CARMIL1: variants seen among roughly 807,000 people sequenced by gnomAD.
The protein encoded by CARMIL1 is capping protein regulator and myosin 1 linker 1.
In CARMIL1, 90 loss-of-function variants were observed where a neutral mutation model predicts 177.1. The observed-to-expected ratio is 0.51, with a 90% confidence interval of 0.43 to 0.61. The LOEUF (loss-of-function observed/expected upper bound fraction) is 0.61, where lower values mean the gene tolerates loss of function less well. Ranked by LOEUF, CARMIL1 falls within the 20% of genes least tolerant of loss-of-function variation. The pLI, the probability that CARMIL1 is intolerant of heterozygous loss-of-function variation, is 0.00. For missense variants in CARMIL1, 1,380 were observed against 1,667.0 expected (o/e 0.83, Z 3.00); for synonymous variants, 577 against 606.2 (o/e 0.95, Z 0.71).
chr6:25,430,608 T>C (rs1308069389), intron 4 of CARMIL1, among the ~76,000 whole-genome samples: 1 of 152,034 alleles, frequency 6.6e-6, no homozygotes, highest in African/African-American at 2.4e-5. Flanking sequence ...TTGTGTATTT[T>C]TTCCTAGAGA....
intron 2 of CARMIL1, among the ~76,000 whole-genome samples, chr6:25,288,300 C>T (rs1005393680): frequency 3.3e-5 from 5 of 152,032 alleles, no homozygotes; most frequent in African/African-American, 9.7e-5. Context: ...AGAGAATGGG[C>T]AGGTGTAAAG....
At position 25,399,046 on chromosome 6, in the gene CARMIL1, A is replaced by G. The variant is rs115994745; in HGVS notation, c.139-21068A>G. Among the ~76,000 whole-genome samples the G allele has an allele frequency of 8.0e-3, 1,210 of 152,116 alleles. 16 individuals carry two copies. The highest frequency in any genetic ancestry group is 0.028 in the African/African-American group (1,153 of 41,522). Reference sequence around the variant, plus strand: ...CTGGTTTACAGCAGTTTTCAAAAACACCCCCCTTTTCTTCCCCGCTCACAG... The same window carrying G: ...CTGGTTTACAGCAGTTTTCAAAAACGCCCCCCTTTTCTTCCCCGCTCACAG... On this transcript the variant is annotated intron_variant, in intron 2 of 36. Transcript: ENST00000329474.
Position 25,493,906 on chromosome 6 carries a change from TTCTTATA to T in CARMIL1, c.1221-1202_1221-1196del, listed in dbSNP as rs574861151. ...ATATGGAAACAGAGTTGTTTGAGATTTCTTATATCACATAGTCTACCAGAATTCTCTT... is the reference window on the plus strand; with the variant it reads ...ATATGGAAACAGAGTTGTTTGAGATTTCACATAGTCTACCAGAATTCTCTT... On this transcript the variant is annotated intron_variant, in intron 15 of 36. Coordinates refer to ENST00000329474, the MANE Select transcript of CARMIL1 (RefSeq NM_017640.6). 3.9e-4 allele frequency among the ~76,000 whole-genome samples: 59 copies of T among 152,266 alleles called. 1 individual carries two copies. In the South Asian group the frequency reaches 5.4e-3, roughly 14 times the overall value.
chr6:25,551,441 C>T (rs868371025), intron 27 of CARMIL1, among the ~76,000 whole-genome samples: 5 of 152,110 alleles, frequency 3.3e-5, no homozygotes, highest in Middle Eastern at 3.4e-3. Context: ...TGCTTTTTAC[C>T]GTCATACACT....
chr6:25,464,579 C>T (rs1800426521), intron 8 of CARMIL1, among the ~76,000 whole-genome samples: 1 of 152,138 alleles, frequency 6.6e-6, no homozygotes, highest in South Asian at 2.1e-4. Flanking sequence ...TGAGTATCTG[C>T]TACTTGTCCT....
At chr6:25,429,453 G>A (rs1399877756) in intron 4 of CARMIL1, among the ~76,000 whole-genome samples, 2 of 152,326 alleles carry the variant, frequency 1.3e-5, no homozygotes, top group African/African-American at 4.8e-5. Flanking sequence ...TGGCCTACAA[G>A]TAGGGTAAAA....
intron 8 of CARMIL1, among the ~76,000 whole-genome samples, chr6:25,459,279 T>TCTTTCTTTCTTTCTTTCTTTCTTTTC (rs1799926404): frequency 7.0e-6 from 1 of 142,990 alleles, no homozygotes. Flanking sequence ...TTTTTTTTTT[T>TCTTTCTTTCTTTCTTTCTTTCTTTTC]TAAGACAGGG....
chr6:25,364,806 C>T (rs1326407261), intron 2 of CARMIL1, among the ~76,000 whole-genome samples: 1 of 152,120 alleles, frequency 6.6e-6, no homozygotes, highest in African/African-American at 2.4e-5. Context: ...CTCAGGTGAT[C>T]CATCCGCCTC....
At chr6:25,376,057 C>T (rs957821204) in intron 2 of CARMIL1, among the ~76,000 whole-genome samples, 3 of 151,974 alleles carry the variant, frequency 2.0e-5, no homozygotes, top group Non-Finnish European at 4.4e-5. Context: ...GTTATAGAAC[C>T]CCGTTTTGTC....
At position 25,515,653 on chromosome 6, in the gene CARMIL1, C is replaced by A; in HGVS notation, c.1633-22C>A. ...GCTGCTTTGATGAGACTGCTGAGTGCCGTGTGTCATTTGCTCCGCAGCCTC... is the reference window on the plus strand; with the variant it reads ...GCTGCTTTGATGAGACTGCTGAGTGACGTGTGTCATTTGCTCCGCAGCCTC... On this transcript the variant is annotated intron_variant, in intron 20 of 36. Coordinates refer to ENST00000329474, the MANE Select transcript of CARMIL1 (RefSeq NM_017640.6). The surrounding 1 kb of genome is among the most constrained non-coding windows in gnomAD (Gnocchi z 5.0). 6.3e-7 allele frequency: 1 copy of A among 1,580,460 alleles called. No individual in the cohort carries two copies.
chr6:25,585,543 A>T (rs1012838132), intron 31 of CARMIL1, among the ~76,000 whole-genome samples: 69 of 151,048 alleles, frequency 4.6e-4, no homozygotes, highest in South Asian at 1.1e-3. Context: ...CTATTTTTTT[A>T]TTTATTTTTT....
intron 2 of CARMIL1, among the ~76,000 whole-genome samples, chr6:25,378,392 G>A (rs1185192917): frequency 6.6e-6 from 1 of 152,196 alleles, no homozygotes; most frequent in Non-Finnish European, 1.5e-5. Context: ...TATGGCTGCA[G>A]CACACTTCCC....
intron 26 of CARMIL1, among the ~76,000 whole-genome samples, chr6:25,548,810 G>A (rs1809776513): frequency 6.6e-6 from 1 of 152,194 alleles, no homozygotes; most frequent in Non-Finnish European, 1.5e-5. Context: ...GTAGGAAACA[G>A]AAGACCTGAG....
chr6:25,508,192 G>A (rs1805112838), intron 17 of CARMIL1, among the ~76,000 whole-genome samples: 1 of 152,154 alleles, frequency 6.6e-6, no homozygotes, highest in Non-Finnish European at 1.5e-5. Flanking sequence ...GGGGCATTTA[G>A]GTAAGCTGGA....
At chr6:25,394,286 A>G (rs1010303177) in intron 2 of CARMIL1, among the ~76,000 whole-genome samples, 1 of 152,210 alleles carries the variant, frequency 6.6e-6, no homozygotes, top group Non-Finnish European at 1.5e-5. Flanking sequence ...AAAGCAGCAC[A>G]CTATTAACTC....
intron 26 of CARMIL1, among the ~76,000 whole-genome samples, chr6:25,549,981 T>C (rs1399969362): frequency 6.6e-6 from 1 of 152,204 alleles, no homozygotes; most frequent in Non-Finnish European, 1.5e-5. Context: ...TGAGAACGTT[T>C]TTATTGTCAT....
At chr6:25,466,753 C>T (rs60403256) in intron 9 of CARMIL1, among the ~76,000 whole-genome samples, 265 of 152,080 alleles carry the variant, frequency 1.7e-3, no homozygotes, top group African/African-American at 6.2e-3. Context: ...AGTGGGCAGG[C>T]GACTTGGTTC....
At chr6:25,310,142 C>A (rs1783674843) in intron 2 of CARMIL1, among the ~76,000 whole-genome samples, 1 of 152,118 alleles carries the variant, frequency 6.6e-6, no homozygotes, top group African/African-American at 2.4e-5. Flanking sequence ...GAGTAATGCT[C>A]TTATGAGCGT....
At chr6:25,412,203 A>T (rs1402073758) in intron 2 of CARMIL1, among the ~76,000 whole-genome samples, 1 of 152,146 alleles carries the variant, frequency 6.6e-6, no homozygotes, top group Non-Finnish European at 1.5e-5. Flanking sequence ...ATGTGCCAGC[A>T]CTCTTCTGAG....
Sources: allele counts gnomAD v4.1 joint callset (sites outside exome capture counted in the v4.1 genomes callset), GRCh38; gene constraint gnomAD v4.1.1; non-coding constraint Gnocchi (gnomAD v3.1); transcripts MANE v1.5; gene names NCBI Gene and HGNC (gene_info 2026-07-23, HGNC 2026-07-21).